The following ULK4 variants were observed in gnomAD, a reference collection of about 807,000 sequenced individuals.
ULK4 encodes the protein inactive serine/threonine-protein kinase ULK4.
Under a neutral mutation model 160.6 loss-of-function variants are expected in ULK4, and 133 were observed. The observed-to-expected ratio is 0.83, with a 90% confidence interval of 0.72 to 0.96. The LOEUF (loss-of-function observed/expected upper bound fraction) is 0.96. ULK4 is among the 40% of genes least tolerant of loss of function. The pLI is 0.00. For missense variants in ULK4, 1,580 were observed against 1,499.5 expected (o/e 1.05, Z -0.89); for synonymous variants, 534 against 539.8 (o/e 0.99, Z 0.15).
intron 20 of ULK4, among the ~76,000 whole-genome samples, 193 bp downstream of exon 20, chr3:41,799,939 A>T (rs2040406401): frequency 1.3e-5 from 2 of 152,080 alleles, no homozygotes; most frequent in Non-Finnish European, 2.9e-5. Flanking sequence ...AAATTCTCTC[A>T]CAGTCTCAAG....
intron 6 of ULK4, among the ~76,000 whole-genome samples, chr3:41,919,460 G>C (rs559968852): frequency 6.6e-6 from 1 of 152,246 alleles, no homozygotes; most frequent in South Asian, 2.1e-4. Flanking sequence ...AAAACTGCCA[G>C]GCATGGTGGT....
intron 14 of ULK4, among the ~76,000 whole-genome samples, chr3:41,897,390 A>G (rs1315558541): frequency 6.6e-6 from 1 of 152,164 alleles, no homozygotes; most frequent in Non-Finnish European, 1.5e-5. Flanking sequence ...AGTTCTTAAA[A>G]AGTTCCAATA....
intron 32 of ULK4, among the ~76,000 whole-genome samples, chr3:41,487,840 CAA>C: frequency 6.6e-6 from 1 of 152,236 alleles, no homozygotes; most frequent in Non-Finnish European, 1.5e-5. Flanking sequence ...ATATTTTTAA[CAA>C]AAGTTATATA....
At chr3:41,477,092 C>T (rs982366253) in intron 32 of ULK4, among the ~76,000 whole-genome samples, 1 of 152,200 alleles carries the variant, frequency 6.6e-6, no homozygotes, top group African/African-American at 2.4e-5. Context: ...TCCATCCCAA[C>T]ATCTCTAAAA....
At chr3:41,394,910 C>T (rs980686562) in intron 35 of ULK4, among the ~76,000 whole-genome samples, 1 of 152,026 alleles carries the variant, frequency 6.6e-6, no homozygotes, top group African/African-American at 2.4e-5. Flanking sequence ...CATTCTTGAA[C>T]AACTAAAGAA....
intron 2 of ULK4, among the ~76,000 whole-genome samples, chr3:41,943,658 G>A (rs1700031192): frequency 6.6e-6 from 1 of 152,132 alleles, no homozygotes; most frequent in African/African-American, 2.4e-5. Flanking sequence ...TTTCAGGGAA[G>A]ATAGAACCAA....
chr3:41,474,736 T>TA (rs138381625), intron 32 of ULK4, among the ~76,000 whole-genome samples: 4,562 of 147,916 alleles, frequency 0.031, 234 homozygotes, highest in African/African-American at 0.11. Context: ...GGCCACGAGA[T>TA]ACATGAAAAG....
intron 34 of ULK4, among the ~76,000 whole-genome samples, chr3:41,412,911 T>G (rs1404730386): frequency 6.6e-6 from 1 of 152,208 alleles, no homozygotes; most frequent in African/African-American, 2.4e-5. Context: ...CATACACTTT[T>G]ACCTTGCCCT....
At chr3:41,672,388 G>A (rs1013610544) in intron 29 of ULK4, among the ~76,000 whole-genome samples, 2 of 152,136 alleles carry the variant, frequency 1.3e-5, no homozygotes, top group African/African-American at 2.4e-5. Flanking sequence ...ATGAAATCAT[G>A]TCATTTGCAG....
chr3:41,486,511 C>T (rs1295146025), intron 32 of ULK4, among the ~76,000 whole-genome samples: 3 of 152,176 alleles, frequency 2.0e-5, no homozygotes, highest in South Asian at 2.1e-4. Flanking sequence ...AGTTTTATCA[C>T]GAAAAGACTG....
chr3:41,896,761 C>A, intron 15 of ULK4, 61 bp downstream of exon 15: 1 of 1,485,638 alleles, frequency 6.7e-7, no homozygotes, highest in Non-Finnish European at 9.0e-7. Context: ...TATTTTAGCA[C>A]TTGTTTGAGC....
chr3:41,358,388 A>C (rs2081067533), intron 35 of ULK4, among the ~76,000 whole-genome samples: 1 of 152,210 alleles, frequency 6.6e-6, no homozygotes, highest in South Asian at 2.1e-4. Flanking sequence ...AAATAGGCAA[A>C]ACACAATAAG....
chr3:41,861,441 C>T (rs189688405), intron 17 of ULK4, among the ~76,000 whole-genome samples: 6 of 152,276 alleles, frequency 3.9e-5, no homozygotes, highest in East Asian at 3.9e-4. Context: ...AAGTTATTTT[C>T]CTTCAGTACT....
At chr3:41,288,295 C>T (rs1027675431) in intron 35 of ULK4, among the ~76,000 whole-genome samples, 1 of 152,170 alleles carries the variant, frequency 6.6e-6, no homozygotes, top group African/African-American at 2.4e-5. Flanking sequence ...ACAGCTTGCT[C>T]CCAGGAAGAT....
At chr3:41,823,377 G>A (rs1025332047) in intron 18 of ULK4, among the ~76,000 whole-genome samples, 1 of 152,132 alleles carries the variant, frequency 6.6e-6, no homozygotes, top group African/African-American at 2.4e-5. Context: ...GCCCAAAAGG[G>A]CCCAGAAGGT....
At chr3:41,356,701 G>T (rs2081036106) in intron 35 of ULK4, among the ~76,000 whole-genome samples, 1 of 152,124 alleles carries the variant, frequency 6.6e-6, no homozygotes, top group Non-Finnish European at 1.5e-5. Flanking sequence ...ATTTTGCTAA[G>T]AAAATGGATG....
intron 32 of ULK4, among the ~76,000 whole-genome samples, chr3:41,529,587 CA>C (rs1010364782): frequency 2.6e-5 from 4 of 152,152 alleles, no homozygotes; most frequent in African/African-American, 9.7e-5. Context: ...CAGGTCCAAG[CA>C]ATTCTTGTGC....
chr3:41,567,208 T>C (rs1225017471), intron 31 of ULK4, among the ~76,000 whole-genome samples: 1 of 152,118 alleles, frequency 6.6e-6, no homozygotes, highest in Non-Finnish European at 1.5e-5. Context: ...TGCCAGGCAC[T>C]GTAGTAGGCA....
chr3:41,337,946 G>A (rs1167336129), intron 35 of ULK4, among the ~76,000 whole-genome samples: 1 of 152,188 alleles, frequency 6.6e-6, no homozygotes, highest in South Asian at 2.1e-4. Flanking sequence ...CTGAAAACCA[G>A]AGGGAAAGAT....
Sources: allele counts gnomAD v4.1 joint callset (sites outside exome capture counted in the v4.1 genomes callset), GRCh38; gene constraint gnomAD v4.1.1; transcripts MANE v1.5; gene names NCBI Gene and HGNC (gene_info 2026-07-23, HGNC 2026-07-21).